DNAH8: variants seen among roughly 807,000 people sequenced by gnomAD.
The protein encoded by DNAH8 is axonemal beta dynein heavy chain 8.
Under a neutral mutation model 562.1 loss-of-function variants are expected in DNAH8, and 382 were observed. The ratio of observed to expected loss-of-function variants is 0.68; its 90% CI spans 0.63 to 0.74. The LOEUF is 0.74. DNAH8 is among the 30% of genes least tolerant of loss of function. The pLI is 0.00. For missense variants in DNAH8, 5,203 were observed against 5,620.4 expected, an observed-to-expected ratio of 0.93 and a Z score of 2.37; for synonymous variants, 1,881 against 1,919.4, an observed-to-expected ratio of 0.98 and a Z score of 0.52.
rs768508741 is a variant in DNAH8 at position 38,741,778 on chromosome 6, A to G, written c.1184A>G (p.His395Arg). 1 of 1,614,150 alleles carries G rather than the reference A, an allele frequency of 6.2e-7. No homozygotes were observed. Among genetic ancestry groups the G allele is most frequent in the South Asian group, 1.1e-5 (1 of 91,080 alleles). ...GDSGPLTELE[H>R]WKRMSAKFNY... Reference sequence around the variant, plus strand: ...TCAGGTCCACTCACTGAATTGGAACACTGGAAACGCATGTCAGCCAAGTTC... The same window carrying G: ...TCAGGTCCACTCACTGAATTGGAACGCTGGAAACGCATGTCAGCCAAGTTC... The change falls in exon 8 of 93, where the codon CAC (histidine) becomes CGC (arginine). Residue 395 changes from histidine to arginine, a missense_variant. Around this residue, in one of 6 missense-constraint regions of DNAH8, gnomAD observed 556 missense variants for 496.9 expected, o/e 1.12. Transcript: ENST00000327475.
At chr6:38,947,172 A>T (rs1264468575) in intron 80 of DNAH8, among the ~76,000 whole-genome samples, 1 of 152,206 alleles carries the variant, frequency 6.6e-6, no homozygotes, top group East Asian at 1.9e-4. Flanking sequence ...TTCCCATGCC[A>T]TCATGAGTTA....
chr6:38,754,509 G>A (rs9394531), intron 9 of DNAH8, among the ~76,000 whole-genome samples: 89,180 of 151,936 alleles, frequency 0.59, 26,920 homozygotes, highest in East Asian at 0.82. Context: ...AGGACATACC[G>A]TACAGTAATC....
chr6:38,959,137 A>G (rs1762454157), intron 82 of DNAH8, among the ~76,000 whole-genome samples: 1 of 152,176 alleles, frequency 6.6e-6, no homozygotes, highest in Non-Finnish European at 1.5e-5. Context: ...TCAACACAAT[A>G]AAGGTCATGT....
At chr6:38,866,403 A>G (rs1777033576) in intron 45 of DNAH8, among the ~76,000 whole-genome samples, 188 bp from the exon 46 acceptor site, 1 of 152,214 alleles carries the variant, frequency 6.6e-6, no homozygotes, top group South Asian at 2.1e-4. Flanking sequence ...AAATGGAAAT[A>G]TATAAAAGGG....
intron 69 of DNAH8, among the ~76,000 whole-genome samples, chr6:38,917,720 T>C (rs181648264): frequency 2.0e-5 from 3 of 152,340 alleles, no homozygotes; most frequent in Admixed American, 6.5e-5. Context: ...CTTACATAGC[T>C]TTTCTTCTTT....
rs1207721456 is a variant in DNAH8 at position 38,887,009 on chromosome 6, G to C, written c.8473+5G>C. The C allele has an allele frequency of 6.3e-7, 1 of 1,576,484 alleles. No homozygotes were observed. Among genetic ancestry groups the C allele is most frequent in the African/African-American group, 1.3e-5 (1 of 74,088 alleles). ...CTTCAATAGACAAAATTTTTGGTAT[G>C]AATATTCTTAGCGTTTATTTTATTG... On this transcript the variant is annotated splice_donor_5th_base_variant and intron_variant, in intron 57 of 92. Coordinates refer to ENST00000327475, the MANE Select transcript of DNAH8 (RefSeq NM_001206927.2).
chr6:38,863,024 G>C (rs1057514726), intron 44 of DNAH8, among the ~76,000 whole-genome samples: 7 of 152,130 alleles, frequency 4.6e-5, no homozygotes, highest in Admixed American at 1.3e-4. Flanking sequence ...CCATCTGTAT[G>C]ATGACTCCAG....
chr6:39,029,082 T>G (rs1767495773), intron 92 of DNAH8, among the ~76,000 whole-genome samples: 1 of 152,188 alleles, frequency 6.6e-6, no homozygotes, highest in African/African-American at 2.4e-5. Context: ...CTTCAGCCTT[T>G]CTTTTTTTAG....
chr6:38,850,968 GACCTGGAC>G (rs1775695487), intron 38 of DNAH8, among the ~76,000 whole-genome samples: 2 of 152,128 alleles, frequency 1.3e-5, no homozygotes, highest in Admixed American at 1.3e-4. Context: ...CAGGGAATAG[GACCTGGAC>G]ATGTCTTTTT....
chr6:38,954,325 G>A lies in DNAH8; in HGVS notation c.12451+2805G>A, dbSNP rs115036556. On this transcript the variant is annotated intron_variant, in intron 82 of 92. Coordinates refer to ENST00000327475, the MANE Select transcript of DNAH8 (RefSeq NM_001206927.2). ...CATAAAACCCCACAACCACACAAAA[G>A]TAGTAGTGGGAAAACTGATATAACA... Among the ~76,000 whole-genome samples, 1,084 of 152,254 alleles carry A rather than the reference G, an allele frequency of 7.1e-3. 15 individuals are homozygous for A. The highest frequency in any genetic ancestry group is 0.024 in the African/African-American group (1,015 of 41,524).
At chr6:38,991,984 C>G (rs1381811756) in intron 88 of DNAH8, among the ~76,000 whole-genome samples, 1 of 148,862 alleles carries the variant, frequency 6.7e-6, no homozygotes, top group African/African-American at 2.5e-5. Context: ...TTTTTTTTTG[C>G]CACGGAATTT....
chr6:38,915,853 T>C (rs9470948), intron 68 of DNAH8, among the ~76,000 whole-genome samples: 28,585 of 150,722 alleles, frequency 0.19, 5,091 homozygotes, highest in African/African-American at 0.47. Context: ...CACACACACA[T>C]ACACACACAC....
chr6:38,761,065 ATT>A (rs59866789), intron 10 of DNAH8, among the ~76,000 whole-genome samples: 2 of 143,920 alleles, frequency 1.4e-5, no homozygotes, highest in African/African-American at 5.1e-5. Context: ...TTTGCTCTTC[ATT>A]TTTTTTTTGG....
chr6:38,987,417 C>T (rs999326789), intron 87 of DNAH8, among the ~76,000 whole-genome samples: 1 of 152,144 alleles, frequency 6.6e-6, no homozygotes, highest in African/African-American at 2.4e-5. Context: ...TCCTCTGGGC[C>T]TGGGATGTGC....
chr6:38,852,578 A>T, intron 39 of DNAH8, 116 bp from the exon 40 acceptor site: 1 of 688,430 alleles, frequency 1.5e-6, no homozygotes, highest in Non-Finnish European at 2.4e-6. Context: ...CTATTTTTTG[A>T]GACAATAAAG....
At chr6:38,876,117 G>A (rs1385278836) in intron 53 of DNAH8, among the ~76,000 whole-genome samples, 2 of 152,196 alleles carry the variant, frequency 1.3e-5, no homozygotes, top group Non-Finnish European at 2.9e-5. Context: ...TGCTGGAATA[G>A]GAAAGGTAGC....
intron 87 of DNAH8, among the ~76,000 whole-genome samples, chr6:38,989,285 G>A (rs184711153): frequency 4.5e-4 from 69 of 152,254 alleles, no homozygotes; most frequent in African/African-American, 1.5e-3. Context: ...GCTGTGAGAC[G>A]TAAGTCATTG....
chr6:38,819,555 A>ATATTTAGAAGTAT (rs1223703473), intron 26 of DNAH8, among the ~76,000 whole-genome samples: 1 of 152,170 alleles, frequency 6.6e-6, no homozygotes, highest in Non-Finnish European at 1.5e-5. Flanking sequence ...ATCTGTAAAA[A>ATATTTAGAAGTAT]TATTTAGAAG....
At position 38,873,381 on chromosome 6, in the gene DNAH8, G is replaced by A; in HGVS notation, c.7620+5G>A. The A allele has an allele frequency of 1.3e-6, 2 of 1,575,310 alleles. No individual in the cohort carries two copies. The highest frequency in any genetic ancestry group is 1.7e-6 in the Non-Finnish European group (2 of 1,166,860). ...GAGTGCAACTATATTGTGCAAGTAA[G>A]ATTTTTTTTTGTACATTTACTACTT... is the stretch of plus-strand genomic sequence containing the variant. On this transcript the variant is annotated splice_donor_5th_base_variant and intron_variant, in intron 52 of 92. Coordinates refer to ENST00000327475, the MANE Select transcript of DNAH8 (RefSeq NM_001206927.2).
Sources: gnomAD v4.1 joint callset for allele counts (sites outside exome capture counted in the v4.1 genomes callset) on GRCh38, gnomAD v4.1.1 for gene constraint, gnomAD v4.1.1 regional missense constraint, MANE v1.5 for transcripts, NCBI Gene and HGNC (gene_info 2026-07-23, HGNC 2026-07-21) for gene names.